Variants in MYO5A observed in about 807,000 individuals in gnomAD.
MYO5A encodes the protein myosin VA.
MYO5A carries 98 observed loss-of-function variants against 249.7 expected under a neutral mutation model. That is an observed-to-expected ratio of 0.39 (90% CI 0.33 to 0.46). The LOEUF (loss-of-function observed/expected upper bound fraction) is 0.46. Ranked by LOEUF, MYO5A falls within the 20% of genes least tolerant of loss-of-function variation. The probability of loss-of-function intolerance (pLI) is 0.98; values close to 1 mark genes in which losing one functional copy is unlikely to be tolerated. For synonymous variants in MYO5A, 778 were observed against 810.6 expected, an observed-to-expected ratio of 0.96 and a Z score of 0.68; for missense variants, 1,696 against 2,308.8, an observed-to-expected ratio of 0.73 and a Z score of 5.44.
intron 16 of MYO5A, among the ~76,000 whole-genome samples, chr15:52,382,095 G>A (rs371421152): frequency 1.3e-5 from 2 of 152,078 alleles, no homozygotes; most frequent in South Asian, 4.1e-4. Flanking sequence ...TAGAGACAGG[G>A]TTTGACCATG....
At chr15:52,379,458 A>G (rs1308482794) in intron 18 of MYO5A, among the ~76,000 whole-genome samples, 167 bp downstream of exon 18, 1 of 152,174 alleles carries the variant, frequency 6.6e-6, no homozygotes, top group Non-Finnish European at 1.5e-5. Context: ...ACGGTGGACT[A>G]TCATCCTCGC....
chr15:52,398,968 G>A lies in MYO5A; in HGVS notation c.1054-1502C>T, dbSNP rs187143386. 7.8e-3 allele frequency among the ~76,000 whole-genome samples: 1,171 copies of A among 149,556 alleles called. 14 individuals carry two copies. The highest frequency in any genetic ancestry group is 0.028 in the African/African-American group (1,122 of 40,488). Reference sequence around the variant, plus strand: ...AGTGCCACTGCACTCCAGCCTGGGTGACAGAGCGAGACTCCGTCTCAAAAA... The same window carrying A: ...AGTGCCACTGCACTCCAGCCTGGGTAACAGAGCGAGACTCCGTCTCAAAAA... On this transcript the variant is annotated intron_variant, in intron 9 of 41. Coordinates refer to ENST00000399233, the MANE Select transcript of MYO5A (RefSeq NM_001382347.1).
chr15:52,368,880 C>G lies in MYO5A; in HGVS notation c.3066+1289G>C, dbSNP rs531881610. 1.5e-4 allele frequency among the ~76,000 whole-genome samples: 23 copies of G among 152,302 alleles called. No homozygotes were observed. In the East Asian group the frequency reaches 4.1e-3, roughly 27 times the overall value. ...TTGGCTTTGAAAAGGAAAGGAGAAT[C>G]TTCCCACCACACTTAACTACTGTAC... On this transcript the variant is annotated intron_variant, in intron 22 of 41. Coordinates refer to ENST00000399233, the MANE Select transcript of MYO5A (RefSeq NM_001382347.1).
chr15:52,381,782 T>TCTCTCTCTCACA (rs11280608), intron 16 of MYO5A, among the ~76,000 whole-genome samples: 1 of 137,766 alleles, frequency 7.3e-6, no homozygotes, highest in African/African-American at 2.6e-5. Context: ...TCTCTCTCTC[T>TCTCTCTCTCACA]CACACACACA....
At chr15:52,378,122 A>T (rs1425791928) in intron 18 of MYO5A, among the ~76,000 whole-genome samples, 1 of 151,702 alleles carries the variant, frequency 6.6e-6, no homozygotes, top group African/African-American at 2.4e-5. Flanking sequence ...GCCTAACTAA[A>T]TTCCCACAAA....
intron 32 of MYO5A, among the ~76,000 whole-genome samples, chr15:52,339,583 G>T (rs1392858726): frequency 1.3e-5 from 2 of 151,416 alleles, no homozygotes; most frequent in Non-Finnish European, 2.9e-5. Context: ...CCATGCCAGG[G>T]TTTAGAATCT....
At chr15:52,353,793 G>A (rs181405774) in intron 26 of MYO5A, 78 bp downstream of exon 26, 13 of 1,604,700 alleles carry the variant, frequency 8.1e-6, no homozygotes, top group Non-Finnish European at 1.1e-5. Context: ...AGGCTGGGCT[G>A]AGTCTCCACT....
chr15:52,418,968 T>C (rs185856412), intron 4 of MYO5A, among the ~76,000 whole-genome samples: 28 of 152,352 alleles, frequency 1.8e-4, no homozygotes, highest in Non-Finnish European at 3.4e-4. Context: ...CCAAACACTA[T>C]TCATATCTTC....
At chr15:52,521,227 CAAA>C (rs10533876) in intron 1 of MYO5A, among the ~76,000 whole-genome samples, 98,062 of 137,946 alleles carry the variant, frequency 0.71, 34,696 homozygotes, top group Non-Finnish European at 0.76. Context: ...GACTCTGTCT[CAAA>C]AAAAAAAAAA....
At chr15:52,495,498 T>C (rs1158504756) in intron 1 of MYO5A, among the ~76,000 whole-genome samples, 1 of 152,196 alleles carries the variant, frequency 6.6e-6, no homozygotes, top group Non-Finnish European at 1.5e-5. Context: ...TAATCAATGG[T>C]TAATAACAAT....
intron 6 of MYO5A, 90 bp downstream of exon 6, chr15:52,410,243 A>T: frequency 2.9e-6 from 4 of 1,371,636 alleles, no homozygotes; most frequent in Non-Finnish European, 4.1e-6. Flanking sequence ...GCTCAAGAGT[A>T]TCTTGAAATA....
chr15:52,355,498 GC>G (rs1170357036), intron 25 of MYO5A, among the ~76,000 whole-genome samples: 4 of 152,332 alleles, frequency 2.6e-5, no homozygotes, highest in Non-Finnish European at 5.9e-5. Flanking sequence ...TAGACATAAA[GC>G]CCAGCCTTGG....
At chr15:52,396,461 A>C (rs1219040091) in intron 10 of MYO5A, 64 bp from the exon 11 acceptor site, 1 of 913,528 alleles carries the variant, frequency 1.1e-6, no homozygotes, top group South Asian at 1.4e-5. Flanking sequence ...AAAAATATTC[A>C]AAATATACAC....
chr15:52,363,565 A>G (rs2040648361), intron 24 of MYO5A, among the ~76,000 whole-genome samples: 1 of 152,204 alleles, frequency 6.6e-6, no homozygotes, highest in African/African-American at 2.4e-5. Flanking sequence ...GTCATATTGT[A>G]ATGAACTTTG....
intron 5 of MYO5A, among the ~76,000 whole-genome samples, chr15:52,411,537 C>CAAAA: frequency 8.2e-6 from 1 of 122,252 alleles, no homozygotes; most frequent in Non-Finnish European, 1.8e-5. Context: ...TAAGGCAAAG[C>CAAAA]AAAAAAAAAA....
At position 52,383,171 on chromosome 15, in the gene MYO5A, G is replaced by A. The variant is rs1431472968; in HGVS notation, c.1932C>T (p.His644=). ...TVGHQFRNSL[H]LLMETLNATT... The stretch of plus-strand genomic sequence containing the variant: ...TGGCATTGAGTGTCTCCATAAGCAG[G>A]TGCAGGGAGTTTCTGAACTGCATGA... The change falls in exon 16 of 42, where the codon CAC becomes CAT. Residue 644 remains histidine, a synonymous_variant. Coordinates refer to ENST00000399233, the MANE Select transcript of MYO5A (RefSeq NM_001382347.1). 1.2e-6 allele frequency: 2 copies of A among 1,613,700 alleles called. No individual in the cohort carries two copies. Among genetic ancestry groups the A allele is most frequent in the African/African-American group, 2.7e-5 (2 of 74,890 alleles).
At chr15:52,493,262 T>C (rs1205987535) in intron 1 of MYO5A, among the ~76,000 whole-genome samples, 1 of 152,212 alleles carries the variant, frequency 6.6e-6, no homozygotes, top group Non-Finnish European at 1.5e-5. Context: ...GCAAATGAGA[T>C]GTATAATACT....
chr15:52,511,355 G>A (rs995888731), intron 1 of MYO5A, among the ~76,000 whole-genome samples: 19 of 152,202 alleles, frequency 1.2e-4, no homozygotes, highest in South Asian at 6.2e-4. Flanking sequence ...TTTCCAGATC[G>A]CAGTCTGTCT....
intron 1 of MYO5A, among the ~76,000 whole-genome samples, chr15:52,478,935 C>A (rs1188086739): frequency 6.6e-6 from 1 of 152,072 alleles, no homozygotes; most frequent in Non-Finnish European, 1.5e-5. Flanking sequence ...TATTTGTTTA[C>A]ATTTCTCTCA....
Sources: allele counts gnomAD v4.1 joint callset (sites outside exome capture counted in the v4.1 genomes callset), GRCh38; gene constraint gnomAD v4.1.1; transcripts MANE v1.5; gene names NCBI Gene and HGNC (gene_info 2026-07-23, HGNC 2026-07-21).